Variants in CACNB4 observed in about 807,000 individuals in gnomAD.
CACNB4 encodes calcium voltage-gated channel auxiliary subunit beta 4.
Under a neutral mutation model 71.2 loss-of-function variants are expected in CACNB4, and 32 were observed. The ratio of observed to expected loss-of-function variants is 0.45; its 90% CI spans 0.34 to 0.60. The LOEUF (loss-of-function observed/expected upper bound fraction) is 0.60, where lower values mean the gene tolerates loss of function less well. Ranked by LOEUF, CACNB4 falls within the 20% of genes least tolerant of loss-of-function variation. The pLI, the probability that CACNB4 is intolerant of heterozygous loss-of-function variation, is 0.01. For missense variants in CACNB4, 464 were observed against 647.9 expected, an observed-to-expected ratio of 0.72 and a Z score of 3.08; for synonymous variants, 231 against 236.9, an observed-to-expected ratio of 0.97 and a Z score of 0.23.
At chr2:151,867,416 A>G (rs2099843442) in intron 9 of CACNB4, 1 of 152,186 alleles carries the variant, frequency 6.6e-6, no homozygotes, top group Admixed American at 6.5e-5. Flanking sequence ...CCAATAACCA[A>G]AAGTTTCAAA....
intron 2 of CACNB4, among the ~76,000 whole-genome samples, chr2:151,904,211 G>A (rs978316946): frequency 1.3e-5 from 2 of 152,144 alleles, no homozygotes; most frequent in Non-Finnish European, 2.9e-5. Context: ...AGTTACATGT[G>A]CAGCTGGGAA....
At chr2:152,018,938 G>A (rs1294797972) in intron 2 of CACNB4, among the ~76,000 whole-genome samples, 1 of 151,960 alleles carries the variant, frequency 6.6e-6, no homozygotes, top group Non-Finnish European at 1.5e-5. Context: ...TTCTCTCTTA[G>A]GCAAGAGAGC....
intron 2 of CACNB4, among the ~76,000 whole-genome samples, chr2:151,941,275 A>ATTT (rs11346045): frequency 6.2e-5 from 7 of 112,310 alleles, no homozygotes; most frequent in South Asian, 3.1e-4. Context: ...AAAATGGTTA[A>ATTT]TTTTTTTTTT....
chr2:152,056,633 G>A (rs1685745370), intron 2 of CACNB4, among the ~76,000 whole-genome samples: 2 of 152,124 alleles, frequency 1.3e-5, no homozygotes, highest in Admixed American at 1.3e-4. Flanking sequence ...TGTGTGTGAT[G>A]CCCTTGGCAT....
chr2:152,069,993 C>G (rs1385061170), intron 2 of CACNB4, among the ~76,000 whole-genome samples: 2 of 151,940 alleles, frequency 1.3e-5, no homozygotes, highest in Non-Finnish European at 2.9e-5. Flanking sequence ...CAGGCACCCG[C>G]CACTACGCCT....
At chr2:152,035,422 T>G (rs1357195118) in intron 2 of CACNB4, among the ~76,000 whole-genome samples, 8 of 152,046 alleles carry the variant, frequency 5.3e-5, no homozygotes, top group Admixed American at 5.2e-4. Context: ...TAGCCAGACA[T>G]GGTGGCACAT....
chr2:152,049,154 T>C, intron 2 of CACNB4, among the ~76,000 whole-genome samples: 1 of 151,770 alleles, frequency 6.6e-6, no homozygotes, highest in East Asian at 1.9e-4. Context: ...CCATTTGCAT[T>C]CTCTCTTTTT....
chr2:151,957,432 A>G (rs2345157), intron 2 of CACNB4, among the ~76,000 whole-genome samples: 150,743 of 151,730 alleles, frequency 0.99, 74,889 homozygotes, highest in Middle Eastern at 1. Context: ...TTGAGTGCCC[A>G]TCTTGAGGCA....
intron 2 of CACNB4, among the ~76,000 whole-genome samples, chr2:151,977,063 C>G (rs142970148): frequency 6.6e-6 from 1 of 152,192 alleles, no homozygotes; most frequent in Non-Finnish European, 1.5e-5. Context: ...CCTGAGGTTA[C>G]AGTGAGAACA....
intron 12 of CACNB4, among the ~76,000 whole-genome samples, chr2:151,842,320 CTTTTTTTTTTT>C (rs35662354): frequency 3.0e-5 from 2 of 67,708 alleles, no homozygotes; most frequent in Non-Finnish European, 5.2e-5. Flanking sequence ...ATATTTGGAT[CTTTTTTTTTTT>C]TTTTTTTTTT....
chr2:151,939,038 T>C (rs1323065915), intron 2 of CACNB4, among the ~76,000 whole-genome samples: 1 of 152,222 alleles, frequency 6.6e-6, no homozygotes, highest in Non-Finnish European at 1.5e-5. Flanking sequence ...CAAAAAAAGC[T>C]AGTGGATATT....
intron 2 of CACNB4, among the ~76,000 whole-genome samples, chr2:151,976,425 T>A: frequency 6.6e-6 from 1 of 152,252 alleles, no homozygotes; most frequent in East Asian, 1.9e-4. Context: ...AAGAGGAATT[T>A]GGTGAAATAG....
At chr2:152,097,260 G>C (rs1266164189) in intron 2 of CACNB4, among the ~76,000 whole-genome samples, 1 of 152,084 alleles carries the variant, frequency 6.6e-6, no homozygotes, top group East Asian at 1.9e-4. Context: ...ATTCCTCGTT[G>C]ATATGTTTAA....
At chr2:151,974,064 G>A (rs912823859) in intron 2 of CACNB4, 4 of 711,406 alleles carry the variant, frequency 5.6e-6, no homozygotes, top group South Asian at 5.7e-5. Context: ...AGGGCGCCTC[G>A]GAGCATCCTA....
At chr2:152,046,089 T>C (rs977031987) in intron 2 of CACNB4, among the ~76,000 whole-genome samples, 1 of 152,170 alleles carries the variant, frequency 6.6e-6, no homozygotes, top group African/African-American at 2.4e-5. Flanking sequence ...AAATCAACAT[T>C]AGTTAGCTTT....
chr2:151,911,987 A>G (rs1419769620), intron 2 of CACNB4, among the ~76,000 whole-genome samples: 4 of 151,696 alleles, frequency 2.6e-5, no homozygotes, highest in Admixed American at 2.6e-4. Flanking sequence ...TCTGATGGTA[A>G]TTTGTATTTC....
At chr2:151,853,652 A>G in intron 11 of CACNB4, 109 bp from the exon 12 acceptor site, 1 of 633,502 alleles carries the variant, frequency 1.6e-6, no homozygotes, top group South Asian at 1.9e-5. Context: ...ATCAGAGAGG[A>G]AATGCAGTGT....
chr2:152,074,976 C>T (rs989340197), intron 2 of CACNB4, among the ~76,000 whole-genome samples: 12 of 152,088 alleles, frequency 7.9e-5, no homozygotes, highest in African/African-American at 2.2e-4. Flanking sequence ...AACAGAGAAA[C>T]AGGCAGAGGC....
At chr2:151,855,474 C>T in intron 10 of CACNB4, 99 bp from the exon 11 acceptor site, 1 of 858,130 alleles carries the variant, frequency 1.2e-6, no homozygotes, top group Non-Finnish European at 1.7e-6. Flanking sequence ...GTCTACATTA[C>T]AAAATAAAAC....
Sources: allele counts gnomAD v4.1 joint callset (sites outside exome capture counted in the v4.1 genomes callset), GRCh38; gene constraint gnomAD v4.1.1; transcripts MANE v1.5; gene names NCBI Gene and HGNC (gene_info 2026-07-23, HGNC 2026-07-21).